STK32A: variants seen among roughly 807,000 people sequenced by gnomAD.
STK32A encodes the protein serine/threonine-protein kinase 32A.
Under a neutral mutation model 53.2 loss-of-function variants are expected in STK32A, and 41 were observed. That is an observed-to-expected ratio of 0.77 (90% confidence interval 0.60 to 1.00). The LOEUF (loss-of-function observed/expected upper bound fraction) is 1.00. Ranked by LOEUF, STK32A falls within the 50% of genes least tolerant of loss-of-function variation. The pLI, the probability that STK32A is intolerant of heterozygous loss-of-function variation, is 0.00. For synonymous variants in STK32A, 166 were observed against 162.8 expected (o/e 1.02, Z -0.15); for missense variants, 458 against 485.8 (o/e 0.94, Z 0.54).
intron 4 of STK32A, among the ~76,000 whole-genome samples, chr5:147,317,854 A>G (rs147729405): frequency 7.2e-5 from 11 of 152,320 alleles, no homozygotes; most frequent in African/African-American, 2.6e-4. Flanking sequence ...GACAACTACT[A>G]GCCTAGATAA....
intron 10 of STK32A, 79 bp from the exon 11 acceptor site, chr5:147,375,011 T>C: frequency 7.4e-7 from 1 of 1,354,810 alleles, no homozygotes; most frequent in Non-Finnish European, 9.9e-7. Context: ...AGACTAAGTA[T>C]TATTTTCCGT....
intron 5 of STK32A, among the ~76,000 whole-genome samples, chr5:147,328,431 C>T (rs1033410886): frequency 4.6e-5 from 7 of 152,180 alleles, no homozygotes; most frequent in African/African-American, 1.7e-4. Context: ...GAATATTCAG[C>T]TAGTTTTCTT....
At chr5:147,357,967 C>T (rs913734278) in intron 7 of STK32A, among the ~76,000 whole-genome samples, 1 of 151,968 alleles carries the variant, frequency 6.6e-6, no homozygotes, top group African/African-American at 2.4e-5. Context: ...ATGCGGGACT[C>T]TTTCTTTATT....
chr5:147,373,339 A>T, intron 10 of STK32A, 45 bp downstream of exon 10: 1 of 1,607,104 alleles, frequency 6.2e-7, no homozygotes. Context: ...TTCAGTGCGC[A>T]TTACCCGGTG....
At chr5:147,373,835 G>T (rs1757112413) in intron 10 of STK32A, among the ~76,000 whole-genome samples, 1 of 152,092 alleles carries the variant, frequency 6.6e-6, no homozygotes, top group African/African-American at 2.4e-5. Context: ...GGACTTCTGT[G>T]GTCTACTGCA....
downstream of STK32A, among the ~76,000 whole-genome samples, chr5:147,390,387 G>A (rs968273237): frequency 2.7e-5 from 4 of 150,110 alleles, no homozygotes; most frequent in Non-Finnish European, 4.4e-5. Context: ...TGGTATGGGT[G>A]TAATTTGAGT....
intron 5 of STK32A, among the ~76,000 whole-genome samples, chr5:147,333,151 G>A (rs187980884): frequency 5.5e-4 from 83 of 152,180 alleles, no homozygotes; most frequent in African/African-American, 1.9e-3. Context: ...ATGCATGTTG[G>A]ACACAGAGCT....
At position 147,342,998 on chromosome 5, in the gene STK32A, T is replaced by G. The variant is rs780909176; in HGVS notation, c.435-8T>G. ...GAGCAACTTTCTTTTTTCTTTTTAC[T>G]CCTCTAGGGATATGAAGCCTGACAA... On this transcript the variant is annotated splice_polypyrimidine_tract_variant and splice_region_variant and intron_variant, in intron 5 of 12. Coordinates refer to ENST00000397936, the MANE Select transcript of STK32A (RefSeq NM_001112724.2). 1 of 1,613,150 alleles carries G rather than the reference T, an allele frequency of 6.2e-7. No individual in the cohort carries two copies. Among genetic ancestry groups the G allele is most frequent in the Non-Finnish European group, 8.5e-7 (1 of 1,179,608 alleles).
rs984298293 is a variant in STK32A at position 147,355,792 on chromosome 5, G to GTGTGTATATATA, written c.562+4639_562+4640insGTGTATATATAT. Among the ~76,000 whole-genome samples the GTGTGTATATATA allele has an allele frequency of 2.3e-4, 34 of 147,846 alleles. No homozygotes were observed. The East Asian group carries it at 5.3e-3, about 23-fold the overall frequency. On this transcript the variant is annotated intron_variant, in intron 7 of 12. Transcript: ENST00000397936. Reference sequence around the variant, plus strand: ...TATGTATGTGTGTGAGTGTGTGTGTGTATATATATATATATATATAAATAA... The same window carrying GTGTGTATATATA: ...TATGTATGTGTGTGAGTGTGTGTGTGTGTGTATATATATATATATATATATATATATAAATAA...
At chr5:147,275,532 C>G (rs761533739) in intron 2 of STK32A, among the ~76,000 whole-genome samples, 1 of 152,132 alleles carries the variant, frequency 6.6e-6, no homozygotes, top group African/African-American at 2.4e-5. Flanking sequence ...CTACATTACC[C>G]AAGCTAGTCT....
At chr5:147,263,769 G>A (rs1262223286) in intron 2 of STK32A, among the ~76,000 whole-genome samples, 2 of 142,044 alleles carry the variant, frequency 1.4e-5, no homozygotes, top group Non-Finnish European at 3.1e-5. Flanking sequence ...TAGAAAGAGA[G>A]AAAGAGAAAA....
At chr5:147,322,547 T>A (rs1404391002) in intron 4 of STK32A, among the ~76,000 whole-genome samples, 1 of 152,236 alleles carries the variant, frequency 6.6e-6, no homozygotes, top group African/African-American at 2.4e-5. Flanking sequence ...CCTCAGCAAA[T>A]AATTTGTCAC....
intron 4 of STK32A, among the ~76,000 whole-genome samples, chr5:147,311,789 A>T (rs898085404): frequency 6.6e-6 from 1 of 152,088 alleles, no homozygotes; most frequent in African/African-American, 2.4e-5. Flanking sequence ...GGGTCTCACT[A>T]TGTTGCCCAG....
chr5:147,237,049 A>G (rs913679566), intron 1 of STK32A, among the ~76,000 whole-genome samples: 2 of 152,192 alleles, frequency 1.3e-5, no homozygotes, highest in African/African-American at 4.8e-5. Context: ...ACGGTGGCTC[A>G]AGCCTGTAAT....
intron 11 of STK32A, among the ~76,000 whole-genome samples, chr5:147,380,394 C>A (rs1462915914): frequency 6.6e-6 from 1 of 151,952 alleles, no homozygotes; most frequent in Non-Finnish European, 1.5e-5. Flanking sequence ...GTATTGTTTC[C>A]TCTCCTGTCA....
At chr5:147,275,355 T>A (rs898452213) in intron 2 of STK32A, among the ~76,000 whole-genome samples, 3 of 96,002 alleles carry the variant, frequency 3.1e-5, no homozygotes, top group South Asian at 5.0e-4. Context: ...TGAGAAAGGA[T>A]CTCACCCTGT....
At chr5:147,323,489 G>A (rs1754420845) in intron 4 of STK32A, among the ~76,000 whole-genome samples, 5 of 152,094 alleles carry the variant, frequency 3.3e-5, no homozygotes, top group Admixed American at 3.3e-4. Flanking sequence ...ATGGGCATGA[G>A]GATAGTTCAA....
chr5:147,241,001 C>T (rs925922421), intron 2 of STK32A, among the ~76,000 whole-genome samples: 3 of 152,158 alleles, frequency 2.0e-5, no homozygotes, highest in Non-Finnish European at 4.4e-5. Flanking sequence ...TACCTAGATA[C>T]AAGAAAGACT....
chr5:147,335,159 G>A (rs1192755435), intron 5 of STK32A, among the ~76,000 whole-genome samples: 1 of 152,064 alleles, frequency 6.6e-6, no homozygotes, highest in African/African-American at 2.4e-5. Context: ...GCAGATAAGG[G>A]GGGATTACTA....
Sources: gnomAD v4.1 joint callset for allele counts (sites outside exome capture counted in the v4.1 genomes callset) on GRCh38, gnomAD v4.1.1 for gene constraint, MANE v1.5 for transcripts, NCBI Gene and HGNC (gene_info 2026-07-23, HGNC 2026-07-21) for gene names.